AFG1L: variants seen among roughly 807,000 people sequenced by gnomAD.
The protein encoded by AFG1L is AFG1-like ATPase.
Under a neutral mutation model 62.2 loss-of-function variants are expected in AFG1L, and 53 were observed. The observed-to-expected ratio is 0.85, with a 90% CI of 0.68 to 1.07. The LOEUF (loss-of-function observed/expected upper bound fraction) is 1.07, where lower values mean the gene tolerates loss of function less well. Ranked by LOEUF, AFG1L falls within the 50% of genes least tolerant of loss-of-function variation. The pLI is 0.00. For missense variants in AFG1L, 555 were observed against 590.5 expected (o/e 0.94, Z 0.62); for synonymous variants, 228 against 210.3 (o/e 1.08, Z -0.73).
At chr6:108,411,542 C>T (rs997566945) in intron 7 of AFG1L, among the ~76,000 whole-genome samples, 3 of 152,158 alleles carry the variant, frequency 2.0e-5, no homozygotes, top group African/African-American at 7.2e-5. Flanking sequence ...AGCTGGGTGC[C>T]CCTCTGAGAC....
intron 10 of AFG1L, among the ~76,000 whole-genome samples, chr6:108,495,926 G>A (rs1773958529): frequency 6.6e-6 from 1 of 152,118 alleles, no homozygotes; most frequent in Admixed American, 6.5e-5. Flanking sequence ...GTGGAAAGAT[G>A]GAGAATGTCA....
intron 2 of AFG1L, among the ~76,000 whole-genome samples, chr6:108,340,235 T>C (rs1412044704): frequency 1.3e-5 from 2 of 152,174 alleles, no homozygotes. Context: ...CAATATCTCA[T>C]TCTTTTTTTA....
At position 108,447,445 on chromosome 6, in the gene AFG1L, A is replaced by G. The variant is rs746814031; in HGVS notation, c.890+149A>G. 5.2e-4 allele frequency: 288 copies of G among 551,800 alleles called. 2 individuals carry two copies. The highest frequency in any genetic ancestry group is 2.8e-4 in the Non-Finnish European group (87 of 309,034). 34.2% of individuals were successfully genotyped at this position (551,800 alleles called of 1,614,324 possible). Reference sequence around the variant, plus strand: ...AAATGTTCTCATGTTAACTTCTTCAACCCGTGTCTTTACCATCCATATTTG... The same window carrying G: ...AAATGTTCTCATGTTAACTTCTTCAGCCCGTGTCTTTACCATCCATATTTG... On this transcript the variant is annotated intron_variant, in intron 8 of 12. Transcript: ENST00000368977.
intron 10 of AFG1L, among the ~76,000 whole-genome samples, chr6:108,501,355 A>G (rs1774193560): frequency 6.6e-6 from 1 of 152,240 alleles, no homozygotes; most frequent in African/African-American, 2.4e-5. Context: ...ACAAGGAGAC[A>G]TTAAGAAGTT....
chr6:108,507,129 A>G (rs1774452312), intron 10 of AFG1L, among the ~76,000 whole-genome samples: 1 of 152,182 alleles, frequency 6.6e-6, no homozygotes, highest in Admixed American at 6.5e-5. Context: ...ATTGAGAGAG[A>G]TGTCTTTGGC....
At chr6:108,301,650 A>G (rs1777005365) in intron 1 of AFG1L, among the ~76,000 whole-genome samples, 1 of 152,254 alleles carries the variant, frequency 6.6e-6, no homozygotes. Flanking sequence ...GCATTCCTTC[A>G]TGAAGAGTAC....
chr6:108,306,231 A>G (rs764858601), intron 1 of AFG1L, among the ~76,000 whole-genome samples: 16 of 152,188 alleles, frequency 1.1e-4, no homozygotes, highest in Non-Finnish European at 2.2e-4. Flanking sequence ...AGAAGCATAG[A>G]GTATTAGTGC....
At chr6:108,327,492 C>T (rs1229027855) in intron 2 of AFG1L, among the ~76,000 whole-genome samples, 1 of 152,190 alleles carries the variant, frequency 6.6e-6, no homozygotes, top group Non-Finnish European at 1.5e-5. Flanking sequence ...TGAGGGCCTG[C>T]TTAACTATTC....
intron 6 of AFG1L, among the ~76,000 whole-genome samples, chr6:108,371,406 A>G (rs1373821514): frequency 6.6e-6 from 1 of 152,074 alleles, no homozygotes; most frequent in Non-Finnish European, 1.5e-5. Context: ...ATGAGACCCT[A>G]TCTCTATAAA....
intron 7 of AFG1L, among the ~76,000 whole-genome samples, chr6:108,445,633 T>TGTGAGAGAGAGAGA (rs1364636279): frequency 3.8e-5 from 5 of 130,088 alleles, no homozygotes; most frequent in African/African-American, 1.5e-4. Context: ...ACACCTAAGG[T>TGTGAGAGAGAGAGA]GAGAGAGAGA....
intron 10 of AFG1L, among the ~76,000 whole-genome samples, chr6:108,478,159 C>G (rs765488826): frequency 6.6e-6 from 1 of 152,182 alleles, no homozygotes; most frequent in African/African-American, 2.4e-5. Context: ...TAGTGACGGC[C>G]GGGTGCGGTG....
chr6:108,383,283 C>G (rs577471924), intron 6 of AFG1L, among the ~76,000 whole-genome samples: 13 of 152,118 alleles, frequency 8.5e-5, no homozygotes, highest in African/African-American at 2.9e-4. Flanking sequence ...GAATAACATC[C>G]TTTTACAGAT....
At chr6:108,372,091 T>G (rs2114519707) in intron 6 of AFG1L, among the ~76,000 whole-genome samples, 1 of 151,866 alleles carries the variant, frequency 6.6e-6, no homozygotes, top group South Asian at 2.1e-4. Flanking sequence ...TTTCTAGTAG[T>G]AGTACTATTA....
intron 12 of AFG1L, 89 bp from the exon 13 acceptor site, chr6:108,522,208 A>G: frequency 8.2e-7 from 1 of 1,216,288 alleles, no homozygotes; most frequent in South Asian, 1.4e-5. Context: ...TAAACCGGTA[A>G]GCCTAAAAAG....
intron 8 of AFG1L, among the ~76,000 whole-genome samples, chr6:108,455,745 T>C (rs1405378471): frequency 6.6e-6 from 1 of 152,198 alleles, no homozygotes; most frequent in African/African-American, 2.4e-5. Flanking sequence ...TTGGTGATTT[T>C]TTTATACATC....
chr6:108,441,626 C>T (rs1421555744), intron 7 of AFG1L, among the ~76,000 whole-genome samples: 1 of 151,208 alleles, frequency 6.6e-6, no homozygotes, highest in African/African-American at 2.4e-5. Flanking sequence ...TAGCTTCCCC[C>T]CGCCTCCACC....
chr6:108,425,251 G>T (rs549275287), intron 7 of AFG1L, among the ~76,000 whole-genome samples: 1 of 152,232 alleles, frequency 6.6e-6, no homozygotes, highest in African/African-American at 2.4e-5. Flanking sequence ...GTTACACATG[G>T]TAGACATTTT....
rs144813476 is a variant in AFG1L at position 108,367,661 on chromosome 6, T to C, written c.748+1329T>C. ...GAGGTGGAGGTAGGGGTTTCTGTGG[T>C]GACAAGGGGGATACATATAAGAGTT... On this transcript the variant is annotated intron_variant, in intron 6 of 12. Transcript: ENST00000368977. Among the ~76,000 whole-genome samples the C allele has an allele frequency of 3.3e-5, 5 of 152,158 alleles. No homozygotes were observed. In the East Asian group the frequency reaches 9.7e-4, roughly 29 times the overall value.
chr6:108,461,722 T>G (rs10214698), intron 8 of AFG1L, among the ~76,000 whole-genome samples: 2 of 152,136 alleles, frequency 1.3e-5, no homozygotes, highest in Non-Finnish European at 2.9e-5. Context: ...GCCTCCCAAA[T>G]TGCTGGGATT....
Sources: allele counts gnomAD v4.1 joint callset (sites outside exome capture counted in the v4.1 genomes callset), GRCh38; gene constraint gnomAD v4.1.1; transcripts MANE v1.5; gene names NCBI Gene and HGNC (gene_info 2026-07-23, HGNC 2026-07-21).